Variants in PACRGL observed in about 807,000 individuals in gnomAD.
The protein encoded by PACRGL is PACRG-like protein.
A neutral mutation model predicts 34.5 loss-of-function variants in PACRGL; 38 were observed. That is an observed-to-expected ratio of 1.10 (90% CI 0.85 to 1.44). PACRGL has a LOEUF of 1.44. PACRGL is among the 40% of genes most tolerant of loss of function. The pLI is 0.00. For synonymous variants in PACRGL, 128 were observed against 100.1 expected, an observed-to-expected ratio of 1.28 and a Z score of -1.66; for missense variants, 305 against 281.4, an observed-to-expected ratio of 1.08 and a Z score of -0.60.
At position 20,749,155 on chromosome 4, in the gene PACRGL, C is replaced by CA. The variant is rs1553888859; in HGVS notation, c.*57-3393dup. Reference sequence around the variant, plus strand: ...CCTTTATGACAGAGCGAGACTCTTTCAAAAAAAAAAAAAAAAATACGTTCT... The same window carrying CA: ...CCTTTATGACAGAGCGAGACTCTTTCAAAAAAAAAAAAAAAAAATACGTTCT... On this transcript the variant is annotated intron_variant, in intron 8 of 8. Coordinates refer to the PACRGL transcript ENST00000507634. Among the ~76,000 whole-genome samples the CA allele has an allele frequency of 4.1e-3, 533 of 128,966 alleles. 2 individuals are homozygous for CA. Among genetic ancestry groups the CA allele is most frequent in the Admixed American group, 9.1e-3 (112 of 12,374 alleles). 84.6% of individuals were successfully genotyped at this position (128,966 alleles called of 152,430 possible). A position where few individuals can be genotyped will look rare whatever the true frequency, so the allele number is the denominator to read the frequency against.
rs1478174877 is a variant in PACRGL, at chr4:20,728,837, C to G, written c.*1496C>G. 1 of 152,474 alleles carries G rather than the reference C, an allele frequency of 6.6e-6. No individual in the cohort carries two copies. The highest frequency in any genetic ancestry group is 2.4e-5 in the African/African-American group (1 of 41,424). The allele number at this position is 152,474 out of a possible 1,614,324, so 9.4% of individuals were successfully genotyped here. On this transcript the variant is annotated 3_prime_UTR_variant, in exon 9 of 9. Transcript: ENST00000503585. ...TGCAAATTTCCTCCTTCTGTAGCCTCTTGGTCTTTGTGATATTTCTACAAA... is the reference window on the plus strand; with the variant it reads ...TGCAAATTTCCTCCTTCTGTAGCCTGTTGGTCTTTGTGATATTTCTACAAA...
chr4:20,755,868 G>T (rs965133773), downstream of PACRGL, among the ~76,000 whole-genome samples: 1 of 152,104 alleles, frequency 6.6e-6, no homozygotes, highest in Non-Finnish European at 1.5e-5. Context: ...ATGGCAAGGG[G>T]GCCACTGTGG....
intron 8 of PACRGL, among the ~76,000 whole-genome samples, chr4:20,741,576 A>C (rs1180617565): frequency 6.6e-6 from 1 of 152,238 alleles, no homozygotes; most frequent in Non-Finnish European, 1.5e-5. Context: ...AGCAGTGTGT[A>C]GAGGGAAATT....
Position 20,704,826 on chromosome 4 carries a change from A to G in PACRGL, c.207+12A>G. On this transcript the variant is annotated intron_variant, in intron 3 of 8. Transcript: ENST00000503585. ...AAACAATTAATCCGGTAGGTCCAAA[A>G]CTATTCCTAACTCAGTAGATTTTTT... 1.2e-6 allele frequency: 2 copies of G among 1,612,608 alleles called. No homozygotes were observed. The highest frequency in any genetic ancestry group is 1.1e-5 in the South Asian group (1 of 91,048).
chr4:20,729,886 G>A lies in PACRGL; in HGVS notation c.*2545G>A. The A allele has an allele frequency of 2.0e-6, 1 of 503,330 alleles. No homozygotes were observed. Among genetic ancestry groups the A allele is most frequent in the Non-Finnish European group, 3.4e-6 (1 of 295,420 alleles). 31.2% of individuals were successfully genotyped at this position (503,330 alleles called of 1,614,324 possible). ...AGTTAGACCATCCCCTGAACTCAGT[G>A]GCATTATGAAAAGGATGCAAATTTA... On this transcript the variant is annotated 3_prime_UTR_variant, in exon 9 of 9. Coordinates refer to ENST00000503585, the MANE Select transcript of PACRGL (RefSeq NM_001258345.3).
the PACRGL span, among the ~76,000 whole-genome samples, chr4:20,761,322 T>G: frequency 1.3e-5 from 2 of 152,204 alleles, no homozygotes; most frequent in African/African-American, 4.8e-5. Context: ...ATTAGTTCCA[T>G]TTCTCTGAAG....
chr4:20,708,518 A>T (rs1735585985), intron 4 of PACRGL, among the ~76,000 whole-genome samples: 1 of 152,222 alleles, frequency 6.6e-6, no homozygotes, highest in Non-Finnish European at 1.5e-5. Context: ...AGTGAAAAAT[A>T]AGCTCAAGAA....
intron 8 of PACRGL, 75 bp from the exon 9 acceptor site, chr4:20,727,210 T>C (rs1245987882): frequency 6.1e-6 from 8 of 1,306,614 alleles, no homozygotes; most frequent in Admixed American, 1.8e-5. Context: ...TTTCTAGGCA[T>C]ATTCCTGCAA....
chr4:20,729,120 T>TCCCTGAATGGCTTGTAATATAAATAA lies in PACRGL; in HGVS notation c.*1780_*1805dup, dbSNP rs1469618481. The TCCCTGAATGGCTTGTAATATAAATAA allele has an allele frequency of 5.9e-5, 9 of 152,000 alleles. No individual in the cohort carries two copies. Among genetic ancestry groups the TCCCTGAATGGCTTGTAATATAAATAA allele is most frequent in the African/African-American group, 2.2e-4 (9 of 41,482 alleles). The allele number at this position is 152,000 out of a possible 1,614,324, so 9.4% of individuals were successfully genotyped here. On this transcript the variant is annotated 3_prime_UTR_variant, in exon 9 of 9. Transcript: ENST00000503585. Reference sequence around the variant, plus strand: ...GGGGTAGTCAAGGTTTCTTTCTTTGTCCCTGAATGGCTTGTAATATAAATA... The same window carrying TCCCTGAATGGCTTGTAATATAAATAA: ...GGGGTAGTCAAGGTTTCTTTCTTTGTCCCTGAATGGCTTGTAATATAAATAACCCTGAATGGCTTGTAATATAAATA...
chr4:20,764,842 C>G, the PACRGL span, among the ~76,000 whole-genome samples: 3 of 152,202 alleles, frequency 2.0e-5, no homozygotes, highest in Non-Finnish European at 4.4e-5. Context: ...TTCACACAGA[C>G]AGGGTCGCTG....
intron 3 of PACRGL, among the ~76,000 whole-genome samples, chr4:20,706,349 G>A (rs1400978752): frequency 6.6e-6 from 1 of 152,098 alleles, no homozygotes; most frequent in East Asian, 1.9e-4. Flanking sequence ...AAGATCATTT[G>A]CTTGTAGATG....
intron 3 of PACRGL, among the ~76,000 whole-genome samples, chr4:20,706,825 C>G (rs1734695745): frequency 6.6e-6 from 1 of 152,130 alleles, no homozygotes; most frequent in Non-Finnish European, 1.5e-5. Context: ...CCACCCGCCT[C>G]AGCCTCCCAA....
At chr4:20,746,553 A>G (rs543564481) in intron 8 of PACRGL, among the ~76,000 whole-genome samples, 1 of 152,140 alleles carries the variant, frequency 6.6e-6, no homozygotes, top group African/African-American at 2.4e-5. Flanking sequence ...GATAACTGCT[A>G]TAGTTAACAT....
At chr4:20,734,608 G>T, downstream of PACRGL, 1 of 1,056,982 alleles carries the variant, frequency 9.5e-7, no homozygotes, top group South Asian at 1.7e-5. Context: ...TTACTGTGAT[G>T]TTGGTGAGGC....
chr4:20,737,524 T>A (rs1358265725), downstream of PACRGL, among the ~76,000 whole-genome samples: 2 of 148,956 alleles, frequency 1.3e-5, no homozygotes. Context: ...AGGGAGTTGA[T>A]ACATGAGACA....
At chr4:20,716,299 A>G (rs1336601211) in intron 7 of PACRGL, 2 of 590,250 alleles carry the variant, frequency 3.4e-6, no homozygotes, top group Non-Finnish European at 3.0e-6. Context: ...TGGAGTTTTC[A>G]GTTTTCTTCT....
chr4:20,726,186 T>C (rs916729856), intron 8 of PACRGL, among the ~76,000 whole-genome samples: 3 of 151,862 alleles, frequency 2.0e-5, no homozygotes, highest in Non-Finnish European at 4.4e-5. Flanking sequence ...GAGGAGGAGA[T>C]AGTATATGTG....
At position 20,730,430 on chromosome 4, in the gene PACRGL, C is replaced by CTACAGAGG. The variant is rs1220055327; in HGVS notation, c.*3091_*3098dup. ...TCAAATCATAATGCCAAAATGGAAA[C>CTACAGAGG]TACAGAGGTGCAGAGGTGTGTCAAA... On this transcript the variant is annotated 3_prime_UTR_variant, in exon 9 of 9. Coordinates refer to ENST00000503585, the MANE Select transcript of PACRGL (RefSeq NM_001258345.3). Among the ~76,000 whole-genome samples, 1 of 151,952 alleles carries CTACAGAGG rather than the reference C, an allele frequency of 6.6e-6. No homozygotes were observed. Among genetic ancestry groups the CTACAGAGG allele is most frequent in the African/African-American group, 2.4e-5 (1 of 41,296 alleles).
chr4:20,749,797 GC>G, intron 8 of PACRGL: 1 of 1,042,494 alleles, frequency 9.6e-7, no homozygotes, highest in South Asian at 1.5e-5. Context: ...GACTTGGATA[GC>G]AGTCCAAGCT....
Sources: gnomAD v4.1 joint callset for allele counts (sites outside exome capture counted in the v4.1 genomes callset) on GRCh38, gnomAD v4.1.1 for gene constraint, MANE v1.5 for transcripts, NCBI Gene and HGNC (gene_info 2026-07-23, HGNC 2026-07-21) for gene names.